Variants in TMEM231 observed in about 807,000 individuals in gnomAD.
TMEM231 encodes the protein transmembrane protein 231.
Under a neutral mutation model 38.5 loss-of-function variants are expected in TMEM231, and 40 were observed. That is an observed-to-expected ratio of 1.04 (90% CI 0.81 to 1.35). TMEM231 has a LOEUF of 1.35. TMEM231 is among the 40% of genes most tolerant of loss of function. TMEM231 has a pLI of 0.00. For missense variants in TMEM231, 420 were observed against 416.9 expected (o/e 1.01, Z -0.07); for synonymous variants, 199 against 181.7 (o/e 1.10, Z -0.77).
intron 2 of TMEM231, among the ~76,000 whole-genome samples, chr16:75,553,802 T>C (rs1402345368): frequency 2.6e-5 from 4 of 152,034 alleles, no homozygotes; most frequent in African/African-American, 4.8e-5. Flanking sequence ...GGATTACAGG[T>C]GTGAGCTATC....
intron 2 of TMEM231, among the ~76,000 whole-genome samples, chr16:75,551,759 C>T (rs1368382344): frequency 6.6e-6 from 1 of 151,866 alleles, no homozygotes; most frequent in African/African-American, 2.4e-5. Flanking sequence ...GTCAGGAGTT[C>T]GAGACCAGCC....
At chr16:75,550,776 G>A (rs528533482) in intron 2 of TMEM231, among the ~76,000 whole-genome samples, 11 of 151,270 alleles carry the variant, frequency 7.3e-5, no homozygotes, top group Admixed American at 7.3e-4. Context: ...AGTATGGGTG[G>A]TGCAATCTCA....
chr16:75,543,481 G>T (rs2080650347), intron 4 of TMEM231, among the ~76,000 whole-genome samples: 1 of 151,958 alleles, frequency 6.6e-6, no homozygotes, highest in Non-Finnish European at 1.5e-5. Context: ...GAAATCAGAG[G>T]ATCTCTTAAG....
intron 2 of TMEM231, among the ~76,000 whole-genome samples, chr16:75,547,604 C>T (rs768607051): frequency 6.6e-6 from 1 of 151,806 alleles, no homozygotes. Flanking sequence ...CATGGTGAAA[C>T]CCCGTCTCTA....
At position 75,537,912 on chromosome 16, in the gene TMEM231, G is replaced by A. The variant is rs1282211112; in HGVS notation, c.*2082C>T. Reference sequence around the variant, plus strand: ...ATTATCCAACACGTAGATTTCACATGGCATGTGAATCCCACTGAAAACTCA... The same window carrying A: ...ATTATCCAACACGTAGATTTCACATAGCATGTGAATCCCACTGAAAACTCA... On this transcript the variant is annotated 3_prime_UTR_variant, in exon 7 of 7. Coordinates refer to ENST00000258173, the MANE Select transcript of TMEM231 (RefSeq NM_001077418.3). 1 of 152,162 alleles carries A rather than the reference G, an allele frequency of 6.6e-6. No individual in the cohort carries two copies. The highest frequency in any genetic ancestry group is 1.5e-5 in the Non-Finnish European group (1 of 68,040). 9.4% of individuals were successfully genotyped at this position (152,162 alleles called of 1,614,324 possible). A position where few individuals can be genotyped will look rare whatever the true frequency, so the allele number is the denominator to read the frequency against.
rs150489621 is a variant in TMEM231, at chr16:75,555,256, T to A, written c.309+548A>T. On this transcript the variant is annotated intron_variant, in intron 2 of 6. Transcript: ENST00000258173. Reference sequence around the variant, plus strand: ...CCATTTCATCCCGACAGCTTCAGGATGGCGCAGTCTCCAATGGGACAAACC... The same window carrying A: ...CCATTTCATCCCGACAGCTTCAGGAAGGCGCAGTCTCCAATGGGACAAACC... 1.8e-3 allele frequency: 269 copies of A among 153,376 alleles called. 2 individuals are homozygous for A. Among genetic ancestry groups the A allele is most frequent in the Middle Eastern group, 3.4e-3 (1 of 296 alleles). 9.5% of individuals were successfully genotyped at this position (153,376 alleles called of 1,614,324 possible).
intron 2 of TMEM231, among the ~76,000 whole-genome samples, chr16:75,553,257 G>C (rs2080780706): frequency 6.6e-6 from 1 of 152,148 alleles, no homozygotes; most frequent in African/African-American, 2.4e-5. Flanking sequence ...AAAGTAGTTT[G>C]TTGCAATAAG....
intron 2 of TMEM231, among the ~76,000 whole-genome samples, chr16:75,550,079 T>C (rs954267124): frequency 6.6e-6 from 1 of 152,130 alleles, no homozygotes; most frequent in African/African-American, 2.4e-5. Flanking sequence ...AAAGGGGATA[T>C]CCCAGCAACA....
intron 2 of TMEM231, 156 bp downstream of exon 2, chr16:75,555,648 T>A: frequency 1.4e-6 from 1 of 694,296 alleles, no homozygotes; most frequent in Non-Finnish European, 2.3e-6. Context: ...ATTCCCTAGG[T>A]CCTAGGAGAT....
chr16:75,556,036 G>T (rs1372614246), intron 1 of TMEM231, 35 bp downstream of exon 1: 3 of 1,566,234 alleles, frequency 1.9e-6, no homozygotes, highest in African/African-American at 2.7e-5. Context: ...GCGCGCCCGG[G>T]GAGCCTCGTG....
intron 6 of TMEM231, 28 bp from the exon 7 acceptor site, chr16:75,540,202 A>G (rs773630874): frequency 3.1e-6 from 5 of 1,590,376 alleles, no homozygotes; most frequent in Non-Finnish European, 4.3e-6. Context: ...GTGAAGGGCC[A>G]CATGGTGTTA....
chr16:75,553,290 A>G (rs2080780934), intron 2 of TMEM231, among the ~76,000 whole-genome samples: 1 of 152,220 alleles, frequency 6.6e-6, no homozygotes. Context: ...AAGATATAGC[A>G]TAAGAAATAC....
chr16:75,542,538 C>T (rs1467562990), intron 5 of TMEM231, 64 bp downstream of exon 5: 18 of 1,351,332 alleles, frequency 1.3e-5, no homozygotes, highest in Non-Finnish European at 1.7e-5. Context: ...CTGCTTGTCT[C>T]TGTTGCCCCC....
At position 75,556,157 on chromosome 16, in the gene TMEM231, C is replaced by T. The variant is rs1176848910; in HGVS notation, c.53G>A (p.Gly18Glu). The change falls in exon 1 of 7, where the codon GGG (glycine) becomes GAG (glutamate). Residue 18 changes from glycine (G) to glutamate (E), a missense_variant. Physicochemically the swap from Gly to Glu is moderately conservative, Grantham distance 98. Coordinates refer to ENST00000258173, the MANE Select transcript of TMEM231 (RefSeq NM_001077418.3). ...GAACAGCGCGGCTTTGGAGCAGAGC[C>T]CCGCGCGGTAACTGCGCTCGACCGG... ...SHPVERSYRAGLCSKAALFLL... is the reference protein window; with the variant it reads ...SHPVERSYRAELCSKAALFLL... 1 of 1,555,974 alleles carries T rather than the reference C, an allele frequency of 6.4e-7. No individual in the cohort carries two copies. The highest frequency in any genetic ancestry group is 8.7e-7 in the Non-Finnish European group (1 of 1,153,912).
In TMEM231 at chr16:75,540,018, G is replaced by A. The variant is rs186119649; in HGVS notation, c.927C>T (p.Asp309=). 4 of 1,612,630 alleles carry A rather than the reference G, an allele frequency of 2.5e-6. No homozygotes were observed. The East Asian group carries it at 6.7e-5, about 27-fold the overall frequency. ...TIPVTVTPRG[D]LCKEHLS is the part of the protein sequence containing the mutation. ...TCTAGGATAAGTGCTCCTTACACAAGTCTCCCCGGGGCGTCACTGTCACAG... is the reference window on the plus strand; with the variant it reads ...TCTAGGATAAGTGCTCCTTACACAAATCTCCCCGGGGCGTCACTGTCACAG... Residue 309 remains aspartate (D), a synonymous_variant, in exon 7 of 7, where the codon GAC becomes GAT. Transcript: ENST00000258173.
rs183693704 is a variant in TMEM231, at chr16:75,538,534, T to A, written c.*1460A>T. 5 of 151,260 alleles carry A rather than the reference T, an allele frequency of 3.3e-5. No homozygotes were observed. The highest frequency in any genetic ancestry group is 1.9e-4 in the East Asian group (1 of 5,144). 9.4% of individuals were successfully genotyped at this position (151,260 alleles called of 1,614,324 possible). A position where few individuals can be genotyped will look rare whatever the true frequency, so the allele number is the denominator to read the frequency against. ...TGAATATTAAAAAAAGACAAGGGGG[T>A]CAGTGTTAGGGAATTCCTCTGCTTG... On this transcript the variant is annotated 3_prime_UTR_variant, in exon 7 of 7. Transcript: ENST00000258173.
At chr16:75,551,765 C>T (rs1449588035) in intron 2 of TMEM231, among the ~76,000 whole-genome samples, 2 of 151,868 alleles carry the variant, frequency 1.3e-5, no homozygotes, top group African/African-American at 2.4e-5. Flanking sequence ...AGTTCGAGAC[C>T]AGCCTGACCA....
In TMEM231 at chr16:75,555,768, C is replaced by G. The variant is rs371000169; in HGVS notation, c.309+36G>C. 1.6e-4 allele frequency: 233 copies of G among 1,478,896 alleles called. No individual in the cohort carries two copies. The African/African-American group carries it at 3.0e-3, about 19-fold the overall frequency. 91.6% of individuals were successfully genotyped at this position (1,478,896 alleles called of 1,614,324 possible). Reference sequence around the variant, plus strand: ...TCCAGTCCCCATCCCCACCCTATCCCCGACTCTGCCCCAGGCCCAGGCGGG... The same window carrying G: ...TCCAGTCCCCATCCCCACCCTATCCGCGACTCTGCCCCAGGCCCAGGCGGG... On this transcript the variant is annotated intron_variant, in intron 2 of 6. Transcript: ENST00000258173.
At position 75,537,648 on chromosome 16, in the gene TMEM231, A is replaced by C. The variant is rs1338833765; in HGVS notation, c.*2346T>G. The C allele has an allele frequency of 1.3e-5, 2 of 152,124 alleles. No homozygotes were observed. Among genetic ancestry groups the C allele is most frequent in the Non-Finnish European group, 2.9e-5 (2 of 68,038 alleles). 9.4% of individuals were successfully genotyped at this position (152,124 alleles called of 1,614,324 possible). A position where few individuals can be genotyped will look rare whatever the true frequency, so the allele number is the denominator to read the frequency against. On this transcript the variant is annotated 3_prime_UTR_variant, in exon 7 of 7. Coordinates refer to ENST00000258173, the MANE Select transcript of TMEM231 (RefSeq NM_001077418.3). ...ATGACAGGCACGTGTCGCCACACCCAGCCAATTTTTGTATTTTTAGTGGAG... is the reference window on the plus strand; with the variant it reads ...ATGACAGGCACGTGTCGCCACACCCCGCCAATTTTTGTATTTTTAGTGGAG...
Sources: allele counts gnomAD v4.1 joint callset (sites outside exome capture counted in the v4.1 genomes callset), GRCh38; gene constraint gnomAD v4.1.1; transcripts MANE v1.5; gene names NCBI Gene and HGNC (gene_info 2026-07-23, HGNC 2026-07-21).